ELP3: variants seen among roughly 807,000 people sequenced by gnomAD.
The protein encoded by ELP3 is elongator complex protein 3.
ELP3 carries 56 observed loss-of-function variants against 74.9 expected under a neutral mutation model. The observed-to-expected ratio is 0.75, with a 90% CI of 0.60 to 0.93. The LOEUF (loss-of-function observed/expected upper bound fraction) is 0.93, where lower values mean the gene tolerates loss of function less well. Ranked by LOEUF, ELP3 falls within the 40% of genes least tolerant of loss-of-function variation. ELP3 has a pLI of 0.00. For synonymous variants in ELP3, 222 were observed against 239.8 expected (o/e 0.93, Z 0.68); for missense variants, 573 against 686.5 (o/e 0.83, Z 1.85).
chr8:28,162,494 A>T (rs549454237), intron 14 of ELP3, among the ~76,000 whole-genome samples: 1 of 152,212 alleles, frequency 6.6e-6, no homozygotes, highest in Admixed American at 6.5e-5. Context: ...CGAGCTGTTT[A>T]AAGGCCAAAT....
At chr8:28,134,992 G>C (rs1034764193) in intron 9 of ELP3, among the ~76,000 whole-genome samples, 2 of 151,338 alleles carry the variant, frequency 1.3e-5, no homozygotes, top group Non-Finnish European at 2.9e-5. Flanking sequence ...GCAATGGCAC[G>C]ATCTTGGCTC....
rs1383371725 is a variant in ELP3 at position 28,099,950 on chromosome 8, T to C, written c.242T>C (p.Ile81Thr). Residue 81 changes from isoleucine (I) to threonine (T), a missense_variant, in exon 3 of 15, where the codon ATC becomes ACC. Physicochemically the swap from Ile to Thr is moderately conservative, Grantham distance 89. Coordinates refer to ENST00000256398, the MANE Select transcript of ELP3 (RefSeq NM_018091.6). ...ATGCCCAAGTTAAAGGCGAAACCCATCAGAACTGCTAGTGGGGTGAGTGAT... is the reference window on the plus strand; with the variant it reads ...ATGCCCAAGTTAAAGGCGAAACCCACCAGAACTGCTAGTGGGGTGAGTGAT... ...VLMPKLKAKP[I>T]RTASGIAVVA... 6.2e-7 allele frequency: 1 copy of C among 1,614,144 alleles called. No homozygotes were observed. Among genetic ancestry groups the C allele is most frequent in the Non-Finnish European group, 8.5e-7 (1 of 1,180,036 alleles).
chr8:28,093,743 A>G (rs751719163), intron 1 of ELP3: 1 of 161,328 alleles, frequency 6.2e-6, no homozygotes, highest in African/African-American at 2.4e-5. Flanking sequence ...GACGGATTCA[A>G]ATTTGAAATA....
At chr8:28,097,602 T>C (rs1334068623) in intron 2 of ELP3, among the ~76,000 whole-genome samples, 1 of 152,142 alleles carries the variant, frequency 6.6e-6, no homozygotes, top group African/African-American at 2.4e-5. Flanking sequence ...TTCACCGTGT[T>C]AGCCAGGACG....
At chr8:28,096,901 G>A (rs566639490) in intron 1 of ELP3, among the ~76,000 whole-genome samples, 1 of 152,254 alleles carries the variant, frequency 6.6e-6, no homozygotes, top group East Asian at 1.9e-4. Context: ...AATTACTTTG[G>A]TCCTTTCCTG....
intron 1 of ELP3, among the ~76,000 whole-genome samples, chr8:28,094,741 C>CA (rs201056148): frequency 1.7e-3 from 240 of 144,684 alleles, no homozygotes; most frequent in East Asian, 0.012. Context: ...GACTCTGTCT[C>CA]AAAAAGAAAA....
intron 14 of ELP3, among the ~76,000 whole-genome samples, chr8:28,181,608 A>G (rs7838796): frequency 0.023 from 3,455 of 152,356 alleles, 154 homozygotes; most frequent in African/African-American, 0.079. Flanking sequence ...ACAAATGGCA[A>G]GTTCTTTCTT....
At chr8:28,121,648 G>T (rs1812379013) in intron 7 of ELP3, among the ~76,000 whole-genome samples, 1 of 151,996 alleles carries the variant, frequency 6.6e-6, no homozygotes, top group Non-Finnish European at 1.5e-5. Context: ...AATTTTTGCT[G>T]CTAATATATA....
In ELP3 at chr8:28,155,942, G is replaced by C; in HGVS notation, c.1101G>C (p.Arg367Ser). 1 of 1,612,000 alleles carries C rather than the reference G, an allele frequency of 6.2e-7. No homozygotes were observed. The highest frequency in any genetic ancestry group is 8.5e-7 in the Non-Finnish European group (1 of 1,178,210). ...GCTTATGTTTTTCTCCTGTGTACAGGGATATTCCAATGCCTTTAGTTAGCT... is the reference window on the plus strand; with the variant it reads ...GCTTATGTTTTTCTCCTGTGTACAGCGATATTCCAATGCCTTTAGTTAGCT... Reference protein sequence around the residue: ...PPWTRVYRVQRDIPMPLVSSG... With the variant: ...PPWTRVYRVQSDIPMPLVSSG... The change falls in exon 11 of 15, where the codon AGG becomes AGC. Residue 367 changes from arginine to serine, a missense_variant and splice_region_variant. Transcript: ENST00000256398.
intron 12 of ELP3, among the ~76,000 whole-genome samples, chr8:28,159,466 T>G (rs1167590435): frequency 1.3e-5 from 2 of 152,240 alleles, no homozygotes; most frequent in African/African-American, 4.8e-5. Flanking sequence ...CACCTTGCTC[T>G]GGGTACCATC....
At chr8:28,174,817 G>A (rs1266598523) in intron 14 of ELP3, among the ~76,000 whole-genome samples, 2 of 152,020 alleles carry the variant, frequency 1.3e-5, no homozygotes, top group African/African-American at 4.8e-5. Context: ...ATTTCTTATA[G>A]GGCAGGTTTA....
chr8:28,121,487 T>G (rs1007374948), intron 7 of ELP3, among the ~76,000 whole-genome samples: 1 of 151,694 alleles, frequency 6.6e-6, no homozygotes, highest in Non-Finnish European at 1.5e-5. Context: ...GCCTGGCTAA[T>G]TTTTGTATTT....
At chr8:28,153,403 T>C (rs1329720198) in intron 10 of ELP3, among the ~76,000 whole-genome samples, 6 of 152,238 alleles carry the variant, frequency 3.9e-5, no homozygotes, top group African/African-American at 1.4e-4. Flanking sequence ...TTTGTCCCTA[T>C]CAAGTTTCAA....
At chr8:28,135,653 A>G (rs1812958690) in intron 9 of ELP3, among the ~76,000 whole-genome samples, 1 of 152,184 alleles carries the variant, frequency 6.6e-6, no homozygotes, top group South Asian at 2.1e-4. Context: ...GCTAAGGGTT[A>G]ACGGATAATT....
At chr8:28,118,120 G>C (rs758442386) in intron 7 of ELP3, among the ~76,000 whole-genome samples, 5 of 152,152 alleles carry the variant, frequency 3.3e-5, no homozygotes, top group Non-Finnish European at 7.3e-5. Context: ...TGACTACATA[G>C]ATGTAAACTG....
rs559217462 is a variant in ELP3, at chr8:28,115,958, A to C, written c.617+2785A>C. Among the ~76,000 whole-genome samples, 8 of 152,298 alleles carry C rather than the reference A, an allele frequency of 5.3e-5. No individual in the cohort carries two copies. In the South Asian group the frequency reaches 1.5e-3, roughly 28 times the overall value. ...GGTTGTTCAAATAGTGCCACCTCTTAAGATTTTTTGTGTAGGACAAAATTT... is the reference window on the plus strand; with the variant it reads ...GGTTGTTCAAATAGTGCCACCTCTTCAGATTTTTTGTGTAGGACAAAATTT... On this transcript the variant is annotated intron_variant, in intron 7 of 14. Coordinates refer to ENST00000256398, the MANE Select transcript of ELP3 (RefSeq NM_018091.6).
At chr8:28,096,237 G>T (rs1218427545) in intron 1 of ELP3, among the ~76,000 whole-genome samples, 1 of 152,226 alleles carries the variant, frequency 6.6e-6, no homozygotes, top group East Asian at 1.9e-4. Flanking sequence ...TATGGGAACA[G>T]AATTCGTTAT....
At chr8:28,094,506 G>A (rs1191780546) in intron 1 of ELP3, among the ~76,000 whole-genome samples, 1 of 152,186 alleles carries the variant, frequency 6.6e-6, no homozygotes, top group Non-Finnish European at 1.5e-5. Context: ...ATCACTTGAG[G>A]TCAGGAATTG....
chr8:28,180,155 T>C (rs1320833832), intron 14 of ELP3, among the ~76,000 whole-genome samples: 2 of 152,208 alleles, frequency 1.3e-5, no homozygotes, highest in Non-Finnish European at 2.9e-5. Flanking sequence ...GCTTCTTTAA[T>C]CAGTGAACTG....
Sources: allele counts gnomAD v4.1 joint callset (sites outside exome capture counted in the v4.1 genomes callset), GRCh38; gene constraint gnomAD v4.1.1; transcripts MANE v1.5; gene names NCBI Gene and HGNC (gene_info 2026-07-23, HGNC 2026-07-21).